Variants in CFAP92 observed in about 807,000 individuals in gnomAD.
CFAP92 encodes the protein cilia and flagella associated protein 92 (putative).
A neutral mutation model predicts 106.3 loss-of-function variants in CFAP92; 86 were observed. The observed-to-expected ratio is 0.81, with a 90% confidence interval of 0.68 to 0.97. The LOEUF is 0.97. CFAP92 is among the 50% of genes least tolerant of loss of function. The pLI, the probability that CFAP92 is intolerant of heterozygous loss-of-function variation, is 0.00. For synonymous variants in CFAP92, 477 were observed against 506.4 expected, an observed-to-expected ratio of 0.94 and a Z score of 0.78; for missense variants, 1,204 against 1,283.8, an observed-to-expected ratio of 0.94 and a Z score of 0.95.
Position 128,945,712 on chromosome 3 carries a change from G to C in CFAP92, c.1617C>G (p.Phe539Leu). ...TCTCTCTGGGAGAGATGAGGGCCTG[G>C]AAGTTGAGGTATGAATCCAGAGGGT... is the stretch of plus-strand genomic sequence containing the variant. ...GEDPLDSYLN[F>L]QALISPRETE... The change falls in exon 10 of 16, where the codon TTC becomes TTG. Residue 539 changes from phenylalanine to leucine, a missense_variant. Transcript: ENST00000645291. The C allele has an allele frequency of 1.3e-6, 2 of 1,536,110 alleles. No homozygotes were observed. Among genetic ancestry groups the C allele is most frequent in the South Asian group, 1.2e-5 (1 of 84,058 alleles).
chr3:128,959,878 C>T, intron 9 of CFAP92, among the ~76,000 whole-genome samples: 1 of 152,220 alleles, frequency 6.6e-6, no homozygotes, highest in East Asian at 1.9e-4. Context: ...CGTATACATC[C>T]AGATGGCCTG....
intron 10 of CFAP92, among the ~76,000 whole-genome samples, chr3:128,943,864 C>A (rs963921255): frequency 6.8e-6 from 1 of 146,948 alleles, no homozygotes. Flanking sequence ...CTCAATTATT[C>A]TATGGACTTA....
the CFAP92 span, among the ~76,000 whole-genome samples, chr3:129,018,164 TG>T: frequency 6.6e-6 from 1 of 152,194 alleles, no homozygotes; most frequent in Non-Finnish European, 1.5e-5. Flanking sequence ...AGGTGCTGGC[TG>T]GCCTTGGGAG....
chr3:129,002,195 T>A, intron 1 of CFAP92: 1 of 1,506,706 alleles, frequency 6.6e-7, no homozygotes, highest in Non-Finnish European at 8.8e-7. Flanking sequence ...CCTGCGCGCC[T>A]GGCCCCGACA....
the CFAP92 span, among the ~76,000 whole-genome samples, chr3:129,016,878 T>C: frequency 6.6e-6 from 1 of 152,222 alleles, no homozygotes; most frequent in South Asian, 2.1e-4. Context: ...GATGATGCTT[T>C]ATGCTGCAAG....
rs545744724 is a variant in CFAP92, at chr3:128,963,111, G to A, written c.1353+2400C>T. ...ATTACTTCAGTCAAGCCCAAATTTC[G>A]TCCTCATCTGTTACCTATCTTGGCA... On this transcript the variant is annotated intron_variant, in intron 9 of 15. Coordinates refer to ENST00000645291, the MANE Select transcript of CFAP92 (RefSeq NM_001394090.1). Among the ~76,000 whole-genome samples, 122 of 152,052 alleles carry A rather than the reference G, an allele frequency of 8.0e-4. 3 individuals carry two copies. The highest frequency in any genetic ancestry group is 9.2e-4 in the African/African-American group (38 of 41,502).
the CFAP92 span, among the ~76,000 whole-genome samples, chr3:129,015,394 A>G: frequency 0.015 from 2,334 of 151,528 alleles, 56 homozygotes; most frequent in African/African-American, 0.054. Flanking sequence ...TATTTTTGTG[A>G]TGACTTCATT....
chr3:129,002,066 C>A (rs923391278), intron 1 of CFAP92: 1 of 1,537,744 alleles, frequency 6.5e-7, no homozygotes, highest in Non-Finnish European at 8.8e-7. Context: ...GCCAGTTCCA[C>A]GCGCGCCTCT....
At chr3:128,974,872 G>A (rs1388694536) in intron 7 of CFAP92, among the ~76,000 whole-genome samples, 1 of 151,078 alleles carries the variant, frequency 6.6e-6, no homozygotes, top group African/African-American at 2.4e-5. Flanking sequence ...CTGTAATCCA[G>A]CACTTTGGGA....
chr3:128,925,486 AAAT>A (rs1324979991), intron 12 of CFAP92, among the ~76,000 whole-genome samples: 8 of 152,196 alleles, frequency 5.3e-5, no homozygotes, highest in African/African-American at 1.4e-4. Flanking sequence ...TATTGGTTGA[AAAT>A]AATCAGGTTG....
chr3:128,945,914 T>C lies in CFAP92; in HGVS notation c.1415A>G (p.Lys472Arg). Reference protein sequence around the residue: ...QFHKTPVHKTKGEPHGTHVYF... With the variant: ...QFHKTPVHKTRGEPHGTHVYF... ...AACGTGGGTTCCATGGGGCTCCCCC[T>C]TGGTCTTGTGAACTGGAGTCTTATG... Residue 472 changes from lysine to arginine, a missense_variant, in exon 10 of 16, where the codon AAG becomes AGG. Physicochemically the swap from Lys to Arg is conservative, Grantham distance 26. Coordinates refer to ENST00000645291, the MANE Select transcript of CFAP92 (RefSeq NM_001394090.1). The C allele has an allele frequency of 1.4e-6, 2 of 1,457,276 alleles. No homozygotes were observed. Among genetic ancestry groups the C allele is most frequent in the Non-Finnish European group, 1.8e-6 (2 of 1,112,870 alleles). The allele number at this position is 1,457,276 out of a possible 1,614,324, so 90.3% of individuals were successfully genotyped here.
intron 9 of CFAP92, among the ~76,000 whole-genome samples, chr3:128,951,362 G>A (rs981899246): frequency 6.6e-6 from 1 of 152,188 alleles, no homozygotes; most frequent in African/African-American, 2.4e-5. Context: ...GCTGAAGGAT[G>A]TGGGCTTCTA....
intron 9 of CFAP92, among the ~76,000 whole-genome samples, chr3:128,947,480 A>G (rs2107732682): frequency 1.3e-5 from 2 of 152,326 alleles, no homozygotes; most frequent in Middle Eastern, 3.4e-3. Flanking sequence ...GAACCACTTC[A>G]CCCATTTTTA....
chr3:128,971,458 A>T (rs780248588), intron 7 of CFAP92, 25 bp from the exon 8 acceptor site: 3 of 1,545,174 alleles, frequency 1.9e-6, no homozygotes, highest in Non-Finnish European at 2.6e-6. Context: ...AAAGGAGATG[A>T]GCATTAAGAG....
intron 12 of CFAP92, among the ~76,000 whole-genome samples, chr3:128,931,325 G>A (rs978743234): frequency 6.6e-6 from 1 of 151,624 alleles, no homozygotes; most frequent in Admixed American, 6.6e-5. Flanking sequence ...ACAAGTACAT[G>A]CCAGCATGCC....
chr3:128,971,147 A>G (rs931872645), intron 8 of CFAP92, 140 bp downstream of exon 8: 13 of 1,391,434 alleles, frequency 9.3e-6, no homozygotes, highest in South Asian at 2.5e-5. Context: ...TATGAAGCCA[A>G]TTCCCCTGAG....
Position 128,935,323 on chromosome 3 carries a change from C to A in CFAP92, c.2259-4G>T. 1 of 1,494,110 alleles carries A rather than the reference C, an allele frequency of 6.7e-7. No homozygotes were observed. Among genetic ancestry groups the A allele is most frequent in the South Asian group, 1.3e-5 (1 of 79,898 alleles). The allele number at this position is 1,494,110 out of a possible 1,614,324, so 92.6% of individuals were successfully genotyped here. A position where few individuals can be genotyped will look rare whatever the true frequency, so the allele number is the denominator to read the frequency against. On this transcript the variant is annotated splice_region_variant and splice_polypyrimidine_tract_variant and intron_variant, in intron 10 of 15. Transcript: ENST00000645291. Reference sequence around the variant, plus strand: ...CCTGTGTTCTGACCTGGGAATCCTGCAAGAGACAGAAGGCCAAGAGCTAAC... The same window carrying A: ...CCTGTGTTCTGACCTGGGAATCCTGAAAGAGACAGAAGGCCAAGAGCTAAC...
rs370044206 is a variant in CFAP92 at position 128,962,896 on chromosome 3, A to G, written c.1353+2615T>C. Among the ~76,000 whole-genome samples, 76 of 151,414 alleles carry G rather than the reference A, an allele frequency of 5.0e-4. 1 individual carries two copies. Among genetic ancestry groups the G allele is most frequent in the Middle Eastern group, 3.4e-3 (1 of 292 alleles). ...CCACCCCGTGGTGCCAAACCCATAT[A>G]CTCTCCTATCCTCAATACCTTCCTC... is the stretch of plus-strand genomic sequence containing the variant. On this transcript the variant is annotated intron_variant, in intron 9 of 15. Coordinates refer to ENST00000645291, the MANE Select transcript of CFAP92 (RefSeq NM_001394090.1).
chr3:128,918,117 C>G (rs144471026), intron 12 of CFAP92, among the ~76,000 whole-genome samples: 1 of 152,304 alleles, frequency 6.6e-6, no homozygotes, highest in Non-Finnish European at 1.5e-5. Context: ...CATATCCAAG[C>G]AAACTAATTG....
Sources: gnomAD v4.1 joint callset for allele counts (sites outside exome capture counted in the v4.1 genomes callset) on GRCh38, gnomAD v4.1.1 for gene constraint, MANE v1.5 for transcripts, NCBI Gene and HGNC (gene_info 2026-07-23, HGNC 2026-07-21) for gene names.